Variants in CTDSPL observed in about 807,000 individuals in gnomAD.
CTDSPL encodes the protein CTD small phosphatase like, also known as CTD small phosphatase-like protein.
CTDSPL carries 8 observed loss-of-function variants against 30.5 expected under a neutral mutation model. The ratio of observed to expected loss-of-function variants is 0.26; its 90% CI spans 0.15 to 0.47. The LOEUF (loss-of-function observed/expected upper bound fraction) is 0.47. Among genes scored for constraint, CTDSPL ranks in the 20% least tolerant of loss-of-function variants. The pLI, the probability that CTDSPL is intolerant of heterozygous loss-of-function variation, is 0.99. For synonymous variants in CTDSPL, 110 were observed against 137.9 expected (o/e 0.80, Z 1.42); for missense variants, 248 against 366.1 (o/e 0.68, Z 2.63).
chr3:37,981,997 T>C lies in CTDSPL; in HGVS notation c.*1130T>C, dbSNP rs1284607251. ...TCAGAAACAGAGGTGTCCCATCCCA[T>C]TGCAGCCTCCACCACCTGTAACCCC... On this transcript the variant is annotated 3_prime_UTR_variant, in exon 8 of 8. Transcript: ENST00000273179. 4.4e-5 allele frequency: 19 copies of C among 430,524 alleles called. 1 individual carries two copies. Among genetic ancestry groups the C allele is most frequent in the South Asian group, 2.8e-4 (17 of 61,208 alleles). 26.7% of individuals were successfully genotyped at this position (430,524 alleles called of 1,614,324 possible).
At chr3:37,927,690 A>G (rs1188491022) in intron 1 of CTDSPL, among the ~76,000 whole-genome samples, 8 of 141,010 alleles carry the variant, frequency 5.7e-5, no homozygotes, top group East Asian at 2.1e-4. Flanking sequence ...ATGTGTATAT[A>G]TATATATATA....
intron 2 of CTDSPL, among the ~76,000 whole-genome samples, chr3:37,949,441 A>G (rs1411272846): frequency 2.0e-5 from 3 of 152,370 alleles, no homozygotes; most frequent in Non-Finnish European, 2.9e-5. Context: ...TAAAAAAACT[A>G]TAGAATAAAT....
At chr3:37,912,210 G>A (rs555694250) in intron 1 of CTDSPL, among the ~76,000 whole-genome samples, 1 of 152,312 alleles carries the variant, frequency 6.6e-6, no homozygotes, top group East Asian at 1.9e-4. Context: ...ACCCAGGAGT[G>A]AGTAAGAGTG....
intron 1 of CTDSPL, among the ~76,000 whole-genome samples, chr3:37,927,680 A>ATATGTG (rs1317726442): frequency 5.0e-5 from 4 of 79,302 alleles, no homozygotes; most frequent in African/African-American, 7.6e-5. Context: ...GTGTGTGTGT[A>ATATGTG]TGTGTATATA....
At chr3:37,976,559 G>C (rs1056875127) in intron 7 of CTDSPL, among the ~76,000 whole-genome samples, 1 of 151,576 alleles carries the variant, frequency 6.6e-6, no homozygotes, top group African/African-American at 2.4e-5. Context: ...TTGAACCCGG[G>C]AGGCGGAGGT....
intron 2 of CTDSPL, among the ~76,000 whole-genome samples, chr3:37,954,149 G>T (rs1011304435): frequency 7.9e-5 from 12 of 152,196 alleles, no homozygotes. Context: ...TGGCATGGCA[G>T]CCCTGGAAGC....
intron 1 of CTDSPL, among the ~76,000 whole-genome samples, chr3:37,932,028 C>A (rs1182862306): frequency 1.3e-5 from 2 of 151,740 alleles, no homozygotes; most frequent in Non-Finnish European, 2.9e-5. Flanking sequence ...AAACATAAAA[C>A]AATAAATCTA....
At chr3:37,966,869 CT>C (rs902244248) in intron 4 of CTDSPL, among the ~76,000 whole-genome samples, 2 of 152,200 alleles carry the variant, frequency 1.3e-5, no homozygotes, top group Non-Finnish European at 2.9e-5. Context: ...CTCCTTCCTT[CT>C]GTCTCTCTTC....
chr3:37,964,360 T>A (rs772326395), intron 3 of CTDSPL, among the ~76,000 whole-genome samples: 13 of 152,220 alleles, frequency 8.5e-5, no homozygotes, highest in Non-Finnish European at 1.3e-4. Flanking sequence ...CAGGTTTGTC[T>A]GGTTCCAAAG....
intron 1 of CTDSPL, among the ~76,000 whole-genome samples, chr3:37,879,618 G>A (rs1261110241): frequency 6.6e-6 from 1 of 152,136 alleles, no homozygotes; most frequent in East Asian, 1.9e-4. Flanking sequence ...TTTCCCTCAT[G>A]TACCTGATAG....
At chr3:37,960,535 T>TATATATAC (rs1327299412) in intron 3 of CTDSPL, among the ~76,000 whole-genome samples, 30 of 16,288 alleles carry the variant, frequency 1.8e-3, no homozygotes, top group Admixed American at 2.8e-3. Context: ...TATATATATA[T>TATATATAC]ACACACACAC....
At chr3:37,917,578 G>A (rs945020829) in intron 1 of CTDSPL, among the ~76,000 whole-genome samples, 1 of 152,116 alleles carries the variant, frequency 6.6e-6, no homozygotes, top group East Asian at 1.9e-4. Flanking sequence ...TACAGCAAAT[G>A]CCAGACCATA....
At chr3:37,907,841 G>T (rs1417418242) in intron 1 of CTDSPL, among the ~76,000 whole-genome samples, 3 of 152,356 alleles carry the variant, frequency 2.0e-5, no homozygotes, top group Non-Finnish European at 2.9e-5. Flanking sequence ...GGGTTGAGGG[G>T]AGTGGAGGTG....
chr3:37,873,204 G>A (rs991792102), intron 1 of CTDSPL, among the ~76,000 whole-genome samples: 3 of 152,206 alleles, frequency 2.0e-5, no homozygotes, highest in Non-Finnish European at 2.9e-5. Context: ...CTATGAGGGT[G>A]GAATTCTAGG....
At chr3:37,903,749 G>T (rs996954251) in intron 1 of CTDSPL, among the ~76,000 whole-genome samples, 3 of 152,128 alleles carry the variant, frequency 2.0e-5, no homozygotes, top group Admixed American at 2.0e-4. Context: ...GAGCTTCTTG[G>T]GGACAAAAGC....
In CTDSPL at chr3:37,930,106, C is replaced by CA. The variant is rs780743501; in HGVS notation, c.80-16942dup. 3.8e-3 allele frequency among the ~76,000 whole-genome samples: 393 copies of CA among 103,340 alleles called. 2 individuals are homozygous for CA. Among genetic ancestry groups the CA allele is most frequent in the Admixed American group, 7.9e-3 (80 of 10,164 alleles). The allele number at this position is 103,340 out of a possible 152,430, so 67.8% of individuals were successfully genotyped here. A position where few individuals can be genotyped will look rare whatever the true frequency, so the allele number is the denominator to read the frequency against. On this transcript the variant is annotated intron_variant, in intron 1 of 7. Coordinates refer to ENST00000273179, the MANE Select transcript of CTDSPL (RefSeq NM_001008392.2). Reference sequence around the variant, plus strand: ...TGGGTGACAGAGTGAGACTCCGTCTCAAAAAAAAAGAAAAAAAAAAAAAGA... The same window carrying CA: ...TGGGTGACAGAGTGAGACTCCGTCTCAAAAAAAAAAGAAAAAAAAAAAAAGA...
chr3:37,900,335 T>C (rs1012441060), intron 1 of CTDSPL, among the ~76,000 whole-genome samples: 3 of 152,212 alleles, frequency 2.0e-5, no homozygotes, highest in Non-Finnish European at 4.4e-5. Flanking sequence ...ATACAACCCC[T>C]GAACTGACAT....
intron 1 of CTDSPL, among the ~76,000 whole-genome samples, chr3:37,900,532 G>A (rs73056998): frequency 0.056 from 8,509 of 152,218 alleles, 301 homozygotes; most frequent in African/African-American, 0.1. Flanking sequence ...TATTTATAAG[G>A]ACTTATGGTT....
chr3:37,946,472 C>T (rs967492661), intron 1 of CTDSPL, among the ~76,000 whole-genome samples: 7 of 152,214 alleles, frequency 4.6e-5, no homozygotes, highest in African/African-American at 1.7e-4. Context: ...TCTGTGGATC[C>T]AGGCCCCCAC....
Sources: gnomAD v4.1 joint callset for allele counts (sites outside exome capture counted in the v4.1 genomes callset) on GRCh38, gnomAD v4.1.1 for gene constraint, MANE v1.5 for transcripts, NCBI Gene and HGNC (gene_info 2026-07-23, HGNC 2026-07-21) for gene names.